CDH4: variants seen among roughly 807,000 people sequenced by gnomAD.
The protein encoded by CDH4 is cadherin 4.
A neutral mutation model predicts 86.0 loss-of-function variants in CDH4; 33 were observed. That is an observed-to-expected ratio of 0.38 (90% CI 0.29 to 0.51). CDH4 has a LOEUF of 0.51. CDH4 is among the 20% of genes least tolerant of loss of function. The pLI, the probability that CDH4 is intolerant of heterozygous loss-of-function variation, is 0.86. For synonymous variants in CDH4, 555 were observed against 549.4 expected (o/e 1.01, Z -0.14); for missense variants, 1,114 against 1,307.4 (o/e 0.85, Z 2.28).
intron 2 of CDH4, among the ~76,000 whole-genome samples, chr20:61,543,395 G>T (rs927664422): frequency 6.6e-6 from 1 of 152,200 alleles, no homozygotes; most frequent in African/African-American, 2.4e-5. Flanking sequence ...TGAAGTTCCC[G>T]TGACTTAGAA....
At chr20:61,339,787 A>G (rs1180332435) in intron 2 of CDH4, among the ~76,000 whole-genome samples, 1 of 152,032 alleles carries the variant, frequency 6.6e-6, no homozygotes, top group Non-Finnish European at 1.5e-5. Context: ...ATCGCTGGGG[A>G]TTGGAAGTCT....
Position 61,811,089 on chromosome 20 carries a change from A to C in CDH4, c.577-33579A>C, listed in dbSNP as rs1352711838. On this transcript the variant is annotated intron_variant, in intron 4 of 15. Transcript: ENST00000614565. The surrounding 1 kb of genome is among the most constrained non-coding windows in gnomAD (Gnocchi z 4.4). ...TCAGCAGCCGCGCCACATCCTCAGC[A>C]GCCCCGCCACCGCCTGTCACACCTG... Among the ~76,000 whole-genome samples the C allele has an allele frequency of 6.6e-6, 1 of 152,184 alleles. No individual in the cohort carries two copies. The highest frequency in any genetic ancestry group is 1.5e-5 in the Non-Finnish European group (1 of 68,022).
chr20:61,761,963 C>T (rs1568801358), intron 3 of CDH4, among the ~76,000 whole-genome samples: 1 of 152,258 alleles, frequency 6.6e-6, no homozygotes, highest in Non-Finnish European at 1.5e-5. Flanking sequence ...CTCCGCACAG[C>T]AGGACCAGGT....
At chr20:61,874,629 A>G (rs569188188) in intron 7 of CDH4, among the ~76,000 whole-genome samples, 2 of 152,276 alleles carry the variant, frequency 1.3e-5, no homozygotes, top group South Asian at 4.1e-4. Flanking sequence ...GTGCGTTCCC[A>G]GAAGATTCAC....
rs78448818 is a variant in CDH4 at position 61,710,857 on chromosome 20, C to T, written c.170-32706C>T. Reference sequence around the variant, plus strand: ...AGACCATGCAGTCCTGAAAGGGGGTCCCTGCCCTCATGAAGCGCGCCTGCC... The same window carrying T: ...AGACCATGCAGTCCTGAAAGGGGGTTCCTGCCCTCATGAAGCGCGCCTGCC... On this transcript the variant is annotated intron_variant, in intron 2 of 15. Coordinates refer to ENST00000614565, the MANE Select transcript of CDH4 (RefSeq NM_001794.5). Among the ~76,000 whole-genome samples, 211 of 152,348 alleles carry T rather than the reference C, an allele frequency of 1.4e-3. 2 individuals carry two copies. Among genetic ancestry groups the T allele is most frequent in the African/African-American group, 4.8e-3 (198 of 41,584 alleles).
At chr20:61,360,129 G>C (rs867896682) in intron 2 of CDH4, among the ~76,000 whole-genome samples, 8 of 152,308 alleles carry the variant, frequency 5.3e-5, no homozygotes, top group Middle Eastern at 6.8e-3. Flanking sequence ...CGGCATCTTG[G>C]GGAAGGGAGA....
intron 2 of CDH4, among the ~76,000 whole-genome samples, chr20:61,720,450 C>T (rs1263921829): frequency 1.4e-5 from 2 of 141,032 alleles, no homozygotes; most frequent in East Asian, 2.1e-4. Context: ...TGTAGGGGTG[C>T]AGAGTGGAGG....
At position 61,773,111 on chromosome 20, in the gene CDH4, C is replaced by T. The variant is rs772016353; in HGVS notation, c.505C>T (p.Arg169Trp). The T allele has an allele frequency of 2.5e-6, 4 of 1,611,510 alleles. No homozygotes were observed. Among genetic ancestry groups the T allele is most frequent in the Non-Finnish European group, 2.5e-6 (3 of 1,179,158 alleles). Residue 169 changes from arginine to tryptophan, a missense_variant, in exon 4 of 16, where the codon CGG becomes TGG. By Grantham distance (101) the Arg-to-Trp change is moderately radical (BLOSUM62 -3). Coordinates refer to ENST00000614565, the MANE Select transcript of CDH4 (RefSeq NM_001794.5). ...QNANGLRRRK[R>W]DWVIPPINVP... ...CGCCAACGGGCTGAGGCGGCGCAAA[C>T]GGGACTGGGTCATCCCGCCCATCAA...
chr20:61,510,230 C>A lies in CDH4; in HGVS notation c.170-233333C>A, dbSNP rs2085769939. On this transcript the variant is annotated intron_variant, in intron 2 of 15. Coordinates refer to ENST00000614565, the MANE Select transcript of CDH4 (RefSeq NM_001794.5). This position sits in a 1 kb window ranked among gnomAD's most constrained non-coding sequence, Gnocchi z 4.2. ...GCGCTCAGCACTCCCGCTCGTGGAG[C>A]TCAGGAAAGGACACCCATGAGAATG... Among the ~76,000 whole-genome samples, 1 of 152,204 alleles carries A rather than the reference C, an allele frequency of 6.6e-6. No homozygotes were observed. Among genetic ancestry groups the A allele is most frequent in the Admixed American group, 6.5e-5 (1 of 15,284 alleles).
chr20:61,684,007 T>TG lies in CDH4; in HGVS notation c.170-59552dup, dbSNP rs1398760126. 6.6e-6 allele frequency among the ~76,000 whole-genome samples: 1 copy of TG among 152,184 alleles called. No individual in the cohort carries two copies. Among genetic ancestry groups the TG allele is most frequent in the Non-Finnish European group, 1.5e-5 (1 of 68,036 alleles). ...CCCCTTCCCAGGAGCTCCTCGTGTC[T>TG]GGGGAGGTGGGCGTGGCAGGGACTA... is the stretch of plus-strand genomic sequence containing the variant. On this transcript the variant is annotated intron_variant, in intron 2 of 15. Transcript: ENST00000614565. This position sits in a 1 kb window ranked among gnomAD's most constrained non-coding sequence, Gnocchi z 4.5.
chr20:61,255,730 C>T (rs982864998), intron 2 of CDH4, among the ~76,000 whole-genome samples: 2 of 152,156 alleles, frequency 1.3e-5, no homozygotes, highest in African/African-American at 2.4e-5. Context: ...ACTGCCCTAC[C>T]GGTTTTGTGT....
chr20:61,543,895 A>G (rs1382150461), intron 2 of CDH4, among the ~76,000 whole-genome samples: 1 of 152,072 alleles, frequency 6.6e-6, no homozygotes, highest in African/African-American at 2.4e-5. Context: ...AGGACCCTGG[A>G]CTCCCCTAGG....
Position 61,929,700 on chromosome 20 carries a change from C to G in CDH4, c.2097C>G (p.Pro699=). The G allele has an allele frequency of 1.2e-6, 2 of 1,614,152 alleles. No individual in the cohort carries two copies. The highest frequency in any genetic ancestry group is 1.7e-6 in the Non-Finnish European group (2 of 1,180,024). Residue 699 remains proline (P), a synonymous_variant, in exon 13 of 16, where the codon CCC becomes CCG. Coordinates refer to ENST00000614565, the MANE Select transcript of CDH4 (RefSeq NM_001794.5). ...PIIVTDSGNP[P]LSNTSIIKVK... Reference sequence around the variant, plus strand: ...TCGTCACAGACTCTGGAAACCCTCCCCTGTCCAACACGTCCATCATCAAAG... The same window carrying G: ...TCGTCACAGACTCTGGAAACCCTCCGCTGTCCAACACGTCCATCATCAAAG...
At chr20:61,864,686 G>A (rs181862716) in intron 6 of CDH4, among the ~76,000 whole-genome samples, 20 of 152,288 alleles carry the variant, frequency 1.3e-4, no homozygotes, top group African/African-American at 2.4e-4. Flanking sequence ...CGCGGACGGC[G>A]CCCATGAGAG....
intron 2 of CDH4, among the ~76,000 whole-genome samples, chr20:61,659,228 G>GA (rs1348634127): frequency 2.0e-5 from 3 of 152,220 alleles, no homozygotes; most frequent in African/African-American, 7.2e-5. Flanking sequence ...AGTGGACTTG[G>GA]ATTCTTGTAC....
At chr20:61,642,199 C>T (rs11204437) in intron 2 of CDH4, among the ~76,000 whole-genome samples, 94,978 of 152,172 alleles carry the variant, frequency 0.62, 30,105 homozygotes, top group African/African-American at 0.73. Context: ...TTTACCAATA[C>T]GGTCATGAAT....
At chr20:61,626,263 G>A (rs536045275) in intron 2 of CDH4, among the ~76,000 whole-genome samples, 10 of 152,302 alleles carry the variant, frequency 6.6e-5, no homozygotes, top group South Asian at 4.1e-4. Context: ...TAAATGGGAC[G>A]TCAGAGCAGA....
chr20:61,872,276 C>T (rs992978849), intron 6 of CDH4, among the ~76,000 whole-genome samples: 10 of 152,134 alleles, frequency 6.6e-5, no homozygotes, highest in African/African-American at 1.7e-4. Flanking sequence ...AGTAGACACA[C>T]AGCTGTTTCA....
chr20:61,683,558 G>A (rs1045231389), intron 2 of CDH4, among the ~76,000 whole-genome samples: 3 of 152,190 alleles, frequency 2.0e-5, no homozygotes, highest in South Asian at 2.1e-4. Flanking sequence ...CAAACTGCAC[G>A]CATCTGCTTC....
Sources: allele counts gnomAD v4.1 joint callset (sites outside exome capture counted in the v4.1 genomes callset), GRCh38; gene constraint gnomAD v4.1.1; non-coding constraint Gnocchi (gnomAD v3.1); transcripts MANE v1.5; gene names NCBI Gene and HGNC (gene_info 2026-07-23, HGNC 2026-07-21).